NUP93: variants seen among roughly 807,000 people sequenced by gnomAD.
The protein encoded by NUP93 is nucleoporin 93, also known as nuclear pore complex protein Nup93.
Under a neutral mutation model 107.8 loss-of-function variants are expected in NUP93, and 55 were observed. The ratio of observed to expected loss-of-function variants is 0.51; its 90% confidence interval spans 0.41 to 0.64. The LOEUF (loss-of-function observed/expected upper bound fraction) is 0.64. Among genes scored for constraint, NUP93 ranks in the 30% least tolerant of loss-of-function variants. The pLI is 0.00. For synonymous variants in NUP93, 390 were observed against 397.5 expected (o/e 0.98, Z 0.22); for missense variants, 937 against 1,044.7 (o/e 0.90, Z 1.42).
At chr16:56,830,059 C>A (rs893226073) in intron 9 of NUP93, among the ~76,000 whole-genome samples, 1 of 152,228 alleles carries the variant, frequency 6.6e-6, no homozygotes, top group Non-Finnish European at 1.5e-5. Context: ...CAGTACCTGA[C>A]ACCAAGATAC....
chr16:56,784,419 C>A (rs545906881), intron 3 of NUP93, among the ~76,000 whole-genome samples: 1 of 152,286 alleles, frequency 6.6e-6, no homozygotes, highest in Non-Finnish European at 1.5e-5. Flanking sequence ...CTTTCACTCT[C>A]ACTCATGGGG....
At chr16:56,834,834 A>G in intron 16 of NUP93, 56 bp downstream of exon 16, 3 of 1,321,002 alleles carry the variant, frequency 2.3e-6, no homozygotes, top group Non-Finnish European at 3.2e-6. Context: ...ATTTATAAAT[A>G]TCAAAAAATA....
rs896792378 is a variant in NUP93, at chr16:56,756,268, A to G, written c.180-2270A>G. Among the ~76,000 whole-genome samples the G allele has an allele frequency of 2.5e-5, 3 of 119,944 alleles. No individual in the cohort carries two copies. In the East Asian group the frequency reaches 8.0e-4, roughly 32 times the overall value. 78.7% of individuals were successfully genotyped at this position (119,944 alleles called of 152,430 possible). On this transcript the variant is annotated intron_variant, in intron 2 of 21. Coordinates refer to ENST00000308159, the MANE Select transcript of NUP93 (RefSeq NM_014669.5). Reference sequence around the variant, plus strand: ...GTTTTAAGGCCTGCATGCGTTAGGTATTTGTCCTAATGCTCTCTCTCTCCT... The same window carrying G: ...GTTTTAAGGCCTGCATGCGTTAGGTGTTTGTCCTAATGCTCTCTCTCTCCT...
chr16:56,768,620 C>G (rs1222044975), intron 3 of NUP93, among the ~76,000 whole-genome samples: 2 of 151,358 alleles, frequency 1.3e-5, no homozygotes, highest in Non-Finnish European at 2.9e-5. Flanking sequence ...GTAATCCCAG[C>G]ACTTTGGAGG....
chr16:56,746,798 T>C (rs1219607130), intron 1 of NUP93, among the ~76,000 whole-genome samples: 2 of 152,176 alleles, frequency 1.3e-5, no homozygotes, highest in African/African-American at 4.8e-5. Context: ...TAATCCCAGC[T>C]ACTTGGGAGA....
chr16:56,775,284 A>G (rs1185991489), intron 3 of NUP93, among the ~76,000 whole-genome samples: 3 of 152,204 alleles, frequency 2.0e-5, no homozygotes, highest in Non-Finnish European at 2.9e-5. Flanking sequence ...GCCAAGAAAC[A>G]CTACAGTTGG....
chr16:56,784,058 G>A (rs1194986633), intron 3 of NUP93, among the ~76,000 whole-genome samples: 2 of 152,026 alleles, frequency 1.3e-5, no homozygotes, highest in Non-Finnish European at 2.9e-5. Context: ...CTTAAAAATA[G>A]GTTTTGTGAG....
intron 3 of NUP93, among the ~76,000 whole-genome samples, chr16:56,798,267 T>C (rs1962942752): frequency 1.3e-5 from 2 of 152,236 alleles, no homozygotes; most frequent in Non-Finnish European, 2.9e-5. Context: ...ATGGGGACTT[T>C]ACTTTCTAAC....
intron 1 of NUP93, among the ~76,000 whole-genome samples, chr16:56,740,417 C>T (rs1474160498): frequency 1.9e-4 from 29 of 151,748 alleles, no homozygotes; most frequent in Admixed American, 3.9e-4. Flanking sequence ...CTCCCCACAT[C>T]TCAGAGGATG....
intron 3 of NUP93, among the ~76,000 whole-genome samples, chr16:56,776,133 G>GT (rs1962411976): frequency 6.6e-6 from 1 of 150,850 alleles, no homozygotes; most frequent in African/African-American, 2.4e-5. Context: ...AGAATTTTGC[G>GT]TTTAAGTTTT....
At chr16:56,752,981 A>G (rs1233133711) in intron 2 of NUP93, among the ~76,000 whole-genome samples, 2 of 152,246 alleles carry the variant, frequency 1.3e-5, no homozygotes, top group South Asian at 2.1e-4. Flanking sequence ...AGAGGCTTCT[A>G]CTGGCCAAAG....
intron 1 of NUP93, among the ~76,000 whole-genome samples, chr16:56,730,860 T>A (rs1178680697): frequency 6.6e-6 from 1 of 152,218 alleles, no homozygotes; most frequent in Non-Finnish European, 1.5e-5. Context: ...GGTGAAAGTA[T>A]GAAAGACACG....
chr16:56,744,696 A>C (rs1316747864), intron 1 of NUP93, among the ~76,000 whole-genome samples: 2 of 152,076 alleles, frequency 1.3e-5, no homozygotes, highest in African/African-American at 4.8e-5. Context: ...TTGGTTTGTA[A>C]TTCCGTTCAC....
chr16:56,797,565 C>T (rs1329151771), intron 3 of NUP93, among the ~76,000 whole-genome samples: 2 of 152,100 alleles, frequency 1.3e-5, no homozygotes, highest in Non-Finnish European at 2.9e-5. Context: ...TGTCAGATCT[C>T]GGCTGAAGCA....
chr16:56,814,284 G>A (rs1394302747), intron 5 of NUP93, among the ~76,000 whole-genome samples: 3 of 152,110 alleles, frequency 2.0e-5, no homozygotes, highest in Non-Finnish European at 2.9e-5. Flanking sequence ...GGGCTCAAGC[G>A]ATCCTCTCGC....
At position 56,831,942 on chromosome 16, in the gene NUP93, A is replaced by G; in HGVS notation, c.1186A>G (p.Arg396Gly). ...YKRAVYCIIG[R>G]CDVTDNQSEV... The stretch of plus-strand genomic sequence containing the variant: ...GCGGGCCGTGTACTGTATCATTGGC[A>G]GATGTGACGTCACCGACAACCAGAG... The change falls in exon 11 of 22, where the codon AGA becomes GGA. Residue 396 changes from arginine (R) to glycine (G), a missense_variant. By Grantham distance (125) the Arg-to-Gly change is moderately radical. Coordinates refer to ENST00000308159, the MANE Select transcript of NUP93 (RefSeq NM_014669.5). The G allele has an allele frequency of 6.2e-7, 1 of 1,614,154 alleles. No individual in the cohort carries two copies. Among genetic ancestry groups the G allele is most frequent in the Non-Finnish European group, 8.5e-7 (1 of 1,180,016 alleles).
In NUP93 at chr16:56,838,957, G is replaced by A; in HGVS notation, c.2024G>A (p.Arg675Lys). The change falls in exon 19 of 22, where the codon AGG becomes AAG. Residue 675 changes from arginine (R) to lysine (K), a missense_variant. Physicochemically the swap from Arg to Lys is conservative, Grantham distance 26 (BLOSUM62 2). Transcript: ENST00000308159. ...ACCCCGTTTTTGTCTTTCAGGTATA[G>A]GGCTCAAGGAATAAGCGCAAATAAA... ...NMALSIAERY[R>K]AQGISANKFV... The A allele has an allele frequency of 6.2e-7, 1 of 1,612,122 alleles. No homozygotes were observed. The highest frequency in any genetic ancestry group is 1.7e-5 in the Admixed American group (1 of 59,760).
intron 3 of NUP93, among the ~76,000 whole-genome samples, chr16:56,794,811 C>T (rs13335111): frequency 0.31 from 47,426 of 151,090 alleles, 7,830 homozygotes; most frequent in East Asian, 0.46. Flanking sequence ...GCCTGTAGTC[C>T]CAGCTACTCG....
intron 1 of NUP93, among the ~76,000 whole-genome samples, chr16:56,740,340 C>T (rs1467791501): frequency 6.6e-6 from 1 of 150,424 alleles, no homozygotes; most frequent in East Asian, 2.0e-4. Flanking sequence ...CTCCTCACCT[C>T]CCAGACGGGG....
Sources: allele counts gnomAD v4.1 joint callset (sites outside exome capture counted in the v4.1 genomes callset), GRCh38; gene constraint gnomAD v4.1.1; transcripts MANE v1.5; gene names NCBI Gene and HGNC (gene_info 2026-07-23, HGNC 2026-07-21).